TRMT9B: variants seen among roughly 807,000 people sequenced by gnomAD.
TRMT9B encodes tRNA methyltransferase 9B (putative).
In TRMT9B, 16 loss-of-function variants were observed where a neutral mutation model predicts 11.5. The ratio of observed to expected loss-of-function variants is 1.39; its 90% CI spans 0.94 to 2.11. TRMT9B has a LOEUF of 2.11. Among genes scored for constraint, TRMT9B ranks in the 30% most tolerant of loss-of-function variants. The pLI, the probability that TRMT9B is intolerant of heterozygous loss-of-function variation, is 0.00. For synonymous variants in TRMT9B, 274 were observed against 192.4 expected, an observed-to-expected ratio of 1.42 and a Z score of -3.51; for missense variants, 941 against 553.8, an observed-to-expected ratio of 1.70 and a Z score of -7.02.
intron 1 of TRMT9B, among the ~76,000 whole-genome samples, chr8:12,980,283 A>G (rs1805146922): frequency 6.6e-6 from 1 of 151,970 alleles, no homozygotes. Flanking sequence ...TGTAACTCCA[A>G]TTTCTGCCTT....
Position 13,012,719 on chromosome 8 carries a change from C to G in TRMT9B, c.190C>G (p.Gln64Glu), listed in dbSNP as rs1306975679. Residue 64 changes from glutamine to glutamate, a missense_variant, in exon 4 of 5, where the codon CAG becomes GAG. Transcript: ENST00000524591. Reference sequence around the variant, plus strand: ...TGGAAAATATCTTAAAGTGAACAGCCAGGTACATACCGTGGGCTGTGACTA... The same window carrying G: ...TGGAAAATATCTTAAAGTGAACAGCGAGGTACATACCGTGGGCTGTGACTA... ...GTGKYLKVNS[Q>E]VHTVGCDYCG... 3.7e-6 allele frequency: 6 copies of G among 1,613,814 alleles called. No homozygotes were observed. Among genetic ancestry groups the G allele is most frequent in the Non-Finnish European group, 5.1e-6 (6 of 1,179,850 alleles).
intron 1 of TRMT9B, among the ~76,000 whole-genome samples, chr8:12,947,736 C>A (rs578084388): frequency 6.6e-6 from 1 of 152,208 alleles, no homozygotes; most frequent in Admixed American, 6.5e-5. Flanking sequence ...ACTTAAGAGA[C>A]TTCAGGTGTG....
rs1391322859 is a variant in TRMT9B, at chr8:13,027,274, C to A, written c.*5230C>A. ...CCCACAGGTGCCAAGCTGAAACATT[C>A]TTCGTATTCCCTGTGTGCCTATTAC... On this transcript the variant is annotated 3_prime_UTR_variant, in exon 5 of 5. Transcript: ENST00000524591. 6.0e-6 allele frequency: 1 copy of A among 167,030 alleles called. No homozygotes were observed. The highest frequency in any genetic ancestry group is 1.5e-5 in the Non-Finnish European group (1 of 68,128). 10.3% of individuals were successfully genotyped at this position (167,030 alleles called of 1,614,324 possible).
At chr8:12,954,806 T>C (rs568643864) in intron 1 of TRMT9B, among the ~76,000 whole-genome samples, 1 of 152,306 alleles carries the variant, frequency 6.6e-6, no homozygotes, top group African/African-American at 2.4e-5. Flanking sequence ...ACATCATTCA[T>C]TTTGGATACT....
chr8:12,996,932 C>A (rs1052530313), intron 2 of TRMT9B, among the ~76,000 whole-genome samples: 1 of 144,212 alleles, frequency 6.9e-6, no homozygotes, highest in African/African-American at 2.6e-5. Flanking sequence ...TGTTTTTGTA[C>A]CTTCTTTATT....
At chr8:12,989,528 C>G (rs767629962) in intron 1 of TRMT9B, among the ~76,000 whole-genome samples, 26 of 152,146 alleles carry the variant, frequency 1.7e-4, no homozygotes, top group Admixed American at 5.9e-4. Context: ...GCTACAATTC[C>G]TCTTCTCATT....
In TRMT9B at chr8:13,021,102, T is replaced by G; in HGVS notation, c.423T>G (p.Val141=). 1 of 1,611,472 alleles carries G rather than the reference T, an allele frequency of 6.2e-7. No homozygotes were observed. Among genetic ancestry groups the G allele is most frequent in the Non-Finnish European group, 8.5e-7 (1 of 1,178,442 alleles). The change falls in exon 5 of 5, where the codon GTT becomes GTG. Residue 141 remains valine, a synonymous_variant. Coordinates refer to ENST00000524591, the MANE Select transcript of TRMT9B (RefSeq NM_020844.3). ...LVPGGQLMIY[V]WAMEQKNRHF... is the part of the protein sequence containing the mutation. ...CCGGAGGCCAACTGATGATTTACGTTTGGGCAATGGAACAAAAGAACCGTC... is the reference window on the plus strand; with the variant it reads ...CCGGAGGCCAACTGATGATTTACGTGTGGGCAATGGAACAAAAGAACCGTC...
intron 4 of TRMT9B, 51 bp from the exon 5 acceptor site, chr8:13,020,957 G>C: frequency 8.0e-7 from 1 of 1,252,572 alleles, no homozygotes; most frequent in Admixed American, 2.7e-5. Context: ...GTATACGTGT[G>C]TGGGTTTATG....
intron 1 of TRMT9B, among the ~76,000 whole-genome samples, chr8:12,965,030 C>T (rs1324031828): frequency 6.6e-6 from 1 of 152,166 alleles, no homozygotes; most frequent in Non-Finnish European, 1.5e-5. Flanking sequence ...ATAACCCCTC[C>T]CACTAGAAGA....
intron 1 of TRMT9B, among the ~76,000 whole-genome samples, chr8:12,959,516 C>CTTTT (rs61536433): frequency 0.016 from 1,214 of 74,878 alleles, 158 homozygotes; most frequent in African/African-American, 0.052. Context: ...TTTTTCCTTC[C>CTTTT]TTTTTTTTTT....
rs1813942560 is a variant in TRMT9B at position 13,021,702 on chromosome 8, G to C, written c.1023G>C (p.Met341Ile). ...TAAATGGAGACCATCAAGGGGAAAT[G>C]AGGAGAAATGGAGGGGGAAATTTTC... ...KHLNGDHQGE[M>I]RRNGGGNFLD... The change falls in exon 5 of 5, where the codon ATG becomes ATC. Residue 341 changes from methionine (M) to isoleucine (I), a missense_variant. Coordinates refer to ENST00000524591, the MANE Select transcript of TRMT9B (RefSeq NM_020844.3). 5.0e-6 allele frequency: 8 copies of C among 1,613,852 alleles called. No homozygotes were observed. The highest frequency in any genetic ancestry group is 4.0e-5 in the African/African-American group (3 of 74,932).
rs1814351148 is a variant in TRMT9B at position 13,024,031 on chromosome 8, T to G, written c.*1987T>G. ...GTATAAATTAAAAATTAATTTGGTTTCTTCTATTTCTTTTTTTTTTTTTTT... is the reference window on the plus strand; with the variant it reads ...GTATAAATTAAAAATTAATTTGGTTGCTTCTATTTCTTTTTTTTTTTTTTT... On this transcript the variant is annotated 3_prime_UTR_variant, in exon 5 of 5. Transcript: ENST00000524591. 6.7e-6 allele frequency: 1 copy of G among 149,296 alleles called. No individual in the cohort carries two copies. The highest frequency in any genetic ancestry group is 2.7e-5 in the African/African-American group (1 of 37,018). The allele number at this position is 149,296 out of a possible 1,614,324, so 9.2% of individuals were successfully genotyped here. A position where few individuals can be genotyped will look rare whatever the true frequency, so the allele number is the denominator to read the frequency against.
intron 1 of TRMT9B, among the ~76,000 whole-genome samples, chr8:12,967,458 A>G: frequency 6.6e-6 from 1 of 152,298 alleles, no homozygotes; most frequent in Admixed American, 6.5e-5. Flanking sequence ...GACAACGATG[A>G]TTTGTTTACC....
rs763283771 is a variant in TRMT9B at position 13,021,775 on chromosome 8, G to A, written c.1096G>A (p.Glu366Lys). Residue 366 changes from glutamate (E) to lysine (K), a missense_variant, in exon 5 of 5, where the codon GAA becomes AAA. Physicochemically the swap from Glu to Lys is moderately conservative, Grantham distance 56 (BLOSUM62 1). Transcript: ENST00000524591. ...GVNCVDAGNIEDDNPSASKIL... is the reference protein window; with the variant it reads ...GVNCVDAGNIKDDNPSASKIL... Reference sequence around the variant, plus strand: ...GAATTGTGTGGATGCAGGCAACATAGAAGATGATAATCCTTCTGCTAGTAA... The same window carrying A: ...GAATTGTGTGGATGCAGGCAACATAAAAGATGATAATCCTTCTGCTAGTAA... 6.2e-7 allele frequency: 1 copy of A among 1,613,866 alleles called. No individual in the cohort carries two copies. Among genetic ancestry groups the A allele is most frequent in the Non-Finnish European group, 8.5e-7 (1 of 1,179,894 alleles).
intron 3 of TRMT9B, chr8:13,010,867 C>A: frequency 1.0e-6 from 1 of 976,976 alleles, no homozygotes; most frequent in Non-Finnish European, 1.2e-6. Context: ...TGCCTTCAAA[C>A]AGAGGGTACT....
At chr8:13,015,570 T>G (rs1433711393) in intron 4 of TRMT9B, among the ~76,000 whole-genome samples, 1 of 51,754 alleles carries the variant, frequency 1.9e-5, no homozygotes, top group Non-Finnish European at 3.9e-5. Context: ...TCCAGGCTGG[T>G]CCTGAAGTCC....
chr8:12,991,387 A>G (rs1807304043), intron 2 of TRMT9B, among the ~76,000 whole-genome samples: 1 of 152,222 alleles, frequency 6.6e-6, no homozygotes, highest in South Asian at 2.1e-4. Flanking sequence ...AAAAAGTAAA[A>G]TGAAAAAGCT....
chr8:12,991,892 C>T (rs981078266), intron 2 of TRMT9B, among the ~76,000 whole-genome samples: 1 of 152,166 alleles, frequency 6.6e-6, no homozygotes, highest in Non-Finnish European at 1.5e-5. Context: ...GATTGCGCCA[C>T]TGCACTCCAG....
chr8:13,004,583 T>A lies in TRMT9B; in HGVS notation c.-1-1619T>A, dbSNP rs142095869. ...CCCTGGGCCAGAAGGCAACCTGCTG[T>A]CTTGAAGGGAAGGACCTAGTCCTGT... On this transcript the variant is annotated intron_variant, in intron 2 of 4. Coordinates refer to ENST00000524591, the MANE Select transcript of TRMT9B (RefSeq NM_020844.3). Among the ~76,000 whole-genome samples the A allele has an allele frequency of 1.3e-3, 196 of 152,084 alleles. 2 individuals are homozygous for A. In the East Asian group the frequency reaches 0.024, roughly 18 times the overall value.
Sources: gnomAD v4.1 joint callset for allele counts (sites outside exome capture counted in the v4.1 genomes callset) on GRCh38, gnomAD v4.1.1 for gene constraint, MANE v1.5 for transcripts, NCBI Gene and HGNC (gene_info 2026-07-23, HGNC 2026-07-21) for gene names.